ERO1A: variants seen among roughly 807,000 people sequenced by gnomAD.
ERO1A encodes the protein endoplasmic reticulum oxidoreductase 1 alpha, also known as ERO1-like protein alpha.
Under a neutral mutation model 76.9 loss-of-function variants are expected in ERO1A, and 49 were observed. The observed-to-expected ratio is 0.64, with a 90% CI of 0.51 to 0.81. ERO1A has a LOEUF of 0.81. Ranked by LOEUF, ERO1A falls within the 30% of genes least tolerant of loss-of-function variation. The pLI, the probability that ERO1A is intolerant of heterozygous loss-of-function variation, is 0.00. For missense variants in ERO1A, 448 were observed against 542.1 expected (o/e 0.83, Z 1.72); for synonymous variants, 174 against 181.2 (o/e 0.96, Z 0.32).
intron 3 of ERO1A, among the ~76,000 whole-genome samples, chr14:52,679,232 T>C (rs552643579): frequency 6.6e-6 from 1 of 152,236 alleles, no homozygotes; most frequent in South Asian, 2.1e-4. Context: ...CAATGCAAAA[T>C]GGACTAACAC....
rs535128841 is a variant in ERO1A, at chr14:52,642,109, A to C, written c.*1461T>G. On this transcript the variant is annotated 3_prime_UTR_variant, in exon 16 of 16. Coordinates refer to ENST00000395686, the MANE Select transcript of ERO1A (RefSeq NM_014584.3). ...AGGTATATAGCTTCTTTTTCTCTAC[A>C]ATTACCATGTGATATAAATTCCTAA... 7.9e-5 allele frequency: 12 copies of C among 152,220 alleles called. No individual in the cohort carries two copies. Among genetic ancestry groups the C allele is most frequent in the Non-Finnish European group, 1.5e-4 (10 of 68,038 alleles). The allele number at this position is 152,220 out of a possible 1,614,324, so 9.4% of individuals were successfully genotyped here.
chr14:52,671,268 C>T (rs2040587608), intron 6 of ERO1A, among the ~76,000 whole-genome samples: 4 of 152,148 alleles, frequency 2.6e-5, no homozygotes, highest in South Asian at 4.1e-4. Context: ...TGGGTTGTTA[C>T]CACCTTTTGG....
chr14:52,676,875 CA>C (rs150557631), intron 4 of ERO1A, among the ~76,000 whole-genome samples: 8,347 of 133,566 alleles, frequency 0.062, 707 homozygotes, highest in African/African-American at 0.21. Flanking sequence ...CTATCTACCC[CA>C]AAAAAAAAAA....
At chr14:52,663,973 A>G in intron 7 of ERO1A, 126 bp from the exon 8 acceptor site, 1 of 541,432 alleles carries the variant, frequency 1.8e-6, no homozygotes, top group Non-Finnish European at 3.3e-6. Flanking sequence ...ATTATAAAAC[A>G]CTTAGTTTCC....
At chr14:52,684,203 C>T (rs867250648) in intron 1 of ERO1A, among the ~76,000 whole-genome samples, 5 of 151,716 alleles carry the variant, frequency 3.3e-5, no homozygotes, top group Middle Eastern at 3.4e-3. Context: ...CCCTCCAGGC[C>T]ATAGTTGACC....
intron 3 of ERO1A, among the ~76,000 whole-genome samples, chr14:52,680,883 G>A (rs1165086283): frequency 1.3e-5 from 2 of 152,114 alleles, no homozygotes; most frequent in Non-Finnish European, 2.9e-5. Context: ...CCACATGCTA[G>A]ATAAGTCTGT....
Position 52,641,113 on chromosome 14 carries a change from G to A in ERO1A, c.*2457C>T, listed in dbSNP as rs2039455761. The A allele has an allele frequency of 6.6e-6, 1 of 152,074 alleles. No individual in the cohort carries two copies. The allele number at this position is 152,074 out of a possible 1,614,324, so 9.4% of individuals were successfully genotyped here. On this transcript the variant is annotated 3_prime_UTR_variant, in exon 16 of 16. Transcript: ENST00000395686. ...CAAGGGAATAAATCTTTAAAGTAGG[G>A]GTTGTCAAAAATGTCAAATACAGAA...
At chr14:52,678,412 A>C in intron 4 of ERO1A, 22 bp downstream of exon 4, 1 of 1,606,068 alleles carries the variant, frequency 6.2e-7, no homozygotes, top group Non-Finnish European at 8.5e-7. Flanking sequence ...TACTGGACAC[A>C]TCAATAGGTA....
rs760766253 is a variant in ERO1A, at chr14:52,683,900, C to A, written c.122G>T (p.Gly41Val). ...AAQRCFCQVS[G>V]YLDDCTCDVE... Reference sequence around the variant, plus strand: ...ATCACAGGTACAATCATCCAAGTAACCACTAACCTGTTACAAAGAAAATGA... The same window carrying A: ...ATCACAGGTACAATCATCCAAGTAAACACTAACCTGTTACAAAGAAAATGA... The change falls in exon 2 of 16, where the codon GGT becomes GTT. Residue 41 changes from glycine to valine, a missense_variant. This residue lies in a region of ERO1A where 146 missense variants were observed against 130.2 expected (regional missense o/e 1.12). Transcript: ENST00000395686. The A allele has an allele frequency of 1.3e-6, 2 of 1,571,370 alleles. No homozygotes were observed. The highest frequency in any genetic ancestry group is 1.7e-6 in the Non-Finnish European group (2 of 1,159,406).
At chr14:52,654,249 T>C (rs1277335630) in intron 11 of ERO1A, among the ~76,000 whole-genome samples, 1 of 152,090 alleles carries the variant, frequency 6.6e-6, no homozygotes, top group African/African-American at 2.4e-5. Context: ...TTTTATAGTT[T>C]ATGAGGTATT....
chr14:52,659,220 A>T (rs1480584753), intron 9 of ERO1A, among the ~76,000 whole-genome samples: 2 of 152,198 alleles, frequency 1.3e-5, no homozygotes, highest in African/African-American at 4.8e-5. Context: ...ATATGAATTT[A>T]AAAATTCACA....
At chr14:52,686,170 C>CCACTG (rs1385674663) in intron 1 of ERO1A, among the ~76,000 whole-genome samples, 3 of 152,168 alleles carry the variant, frequency 2.0e-5, no homozygotes, top group Non-Finnish European at 4.4e-5. Context: ...CAAGATCACA[C>CCACTG]CACTGCACTG....
At chr14:52,660,094 A>G (rs375125366) in intron 9 of ERO1A, among the ~76,000 whole-genome samples, 9 of 152,320 alleles carry the variant, frequency 5.9e-5, no homozygotes, top group African/African-American at 2.2e-4. Flanking sequence ...CTGGCCTTCC[A>G]AAGTACTGGG....
At chr14:52,675,472 T>C (rs1384313155) in intron 4 of ERO1A, among the ~76,000 whole-genome samples, 1 of 152,222 alleles carries the variant, frequency 6.6e-6, no homozygotes, top group African/African-American at 2.4e-5. Context: ...TTTTTAATTT[T>C]TCATAATAAA....
At chr14:52,659,159 T>C (rs2040148466) in intron 9 of ERO1A, among the ~76,000 whole-genome samples, 2 of 151,958 alleles carry the variant, frequency 1.3e-5, no homozygotes, top group African/African-American at 4.8e-5. Flanking sequence ...TATAAAAAGC[T>C]CATAAACTAA....
At position 52,654,394 on chromosome 14, in the gene ERO1A, A is replaced by G. The variant is rs928060794; in HGVS notation, c.809-1079T>C. 2.6e-5 allele frequency among the ~76,000 whole-genome samples: 4 copies of G among 152,192 alleles called. No homozygotes were observed. In the South Asian group the frequency reaches 8.3e-4, roughly 31 times the overall value. On this transcript the variant is annotated intron_variant, in intron 11 of 15. Transcript: ENST00000395686. ...GGACATTCCATTTGTTCTTTTAATTAAAGAATTCTACATAAGCCTGTATTT... is the reference window on the plus strand; with the variant it reads ...GGACATTCCATTTGTTCTTTTAATTGAAGAATTCTACATAAGCCTGTATTT...
At chr14:52,658,218 T>C in intron 9 of ERO1A, 68 bp from the exon 10 acceptor site, 1 of 1,108,682 alleles carries the variant, frequency 9.0e-7, no homozygotes, top group South Asian at 1.4e-5. Context: ...TCAAAAGTTT[T>C]AAAGCATTAT....
Position 52,683,861 on chromosome 14 carries a change from T to C in ERO1A, c.161A>G (p.Asp54Gly). Reference sequence around the variant, plus strand: ...GAAAAGCCTGTAGTTATTAAATCTATCAATGGTTTCAACATCACAGGTACA... The same window carrying C: ...GAAAAGCCTGTAGTTATTAAATCTACCAATGGTTTCAACATCACAGGTACA... ...DDCTCDVETI[D>G]RFNNYRLFPR... Residue 54 changes from aspartate (D) to glycine (G), a missense_variant, in exon 2 of 16, where the codon GAT (aspartate) becomes GGT (glycine). Transcript: ENST00000395686. The C allele has an allele frequency of 6.3e-7, 1 of 1,587,608 alleles. No homozygotes were observed. Among genetic ancestry groups the C allele is most frequent in the South Asian group, 1.1e-5 (1 of 87,648 alleles).
intron 10 of ERO1A, 38 bp from the exon 11 acceptor site, chr14:52,658,047 T>C (rs776248167): frequency 2.0e-6 from 3 of 1,523,016 alleles, no homozygotes; most frequent in East Asian, 4.5e-5. Flanking sequence ...AAATTTCATA[T>C]GTGAATCTTG....
Sources: allele counts gnomAD v4.1 joint callset (sites outside exome capture counted in the v4.1 genomes callset), GRCh38; gene constraint gnomAD v4.1.1; regional missense constraint gnomAD v4.1.1; transcripts MANE v1.5; gene names NCBI Gene and HGNC (gene_info 2026-07-23, HGNC 2026-07-21).